The following SNX2 variants were observed in gnomAD, a reference collection of about 807,000 sequenced individuals.
SNX2 encodes the protein sorting nexin 2, also known as sorting nexin-2.
In SNX2, 25 loss-of-function variants were observed where a neutral mutation model predicts 69.9. That is an observed-to-expected ratio of 0.36 (90% CI 0.26 to 0.50). The LOEUF (loss-of-function observed/expected upper bound fraction) is 0.50. SNX2 is among the 20% of genes least tolerant of loss of function. The pLI, the probability that SNX2 is intolerant of heterozygous loss-of-function variation, is 0.97. For missense variants in SNX2, 551 were observed against 613.3 expected, an observed-to-expected ratio of 0.90 and a Z score of 1.07; for synonymous variants, 229 against 200.4, an observed-to-expected ratio of 1.14 and a Z score of -1.20.
At chr5:122,825,019 A>T (rs1203305990) in intron 11 of SNX2, among the ~76,000 whole-genome samples, 1 of 152,152 alleles carries the variant, frequency 6.6e-6, no homozygotes, top group Non-Finnish European at 1.5e-5. Context: ...CAAAACTAAT[A>T]TTAGAACCAA....
At chr5:122,816,697 A>C (rs938364302) in intron 8 of SNX2, among the ~76,000 whole-genome samples, 1 of 152,088 alleles carries the variant, frequency 6.6e-6, no homozygotes. Flanking sequence ...AAGCAAATGG[A>C]AAGTCTATTT....
rs1214662268 is a variant in SNX2 at position 122,829,680 on chromosome 5, G to A, written c.*32G>A. The A allele has an allele frequency of 4.4e-6, 7 of 1,590,210 alleles. No individual in the cohort carries two copies. In the Admixed American group the frequency reaches 5.0e-5, roughly 11 times the overall value. ...GATTGTTGCCGTTAAGAAGACCTTG[G>A]ATGTTGTTCCAGTTATGCTGGATTC... On this transcript the variant is annotated 3_prime_UTR_variant, in exon 15 of 15. Transcript: ENST00000379516.
chr5:122,825,736 T>C (rs551659721), intron 11 of SNX2, among the ~76,000 whole-genome samples: 8 of 152,242 alleles, frequency 5.3e-5, no homozygotes, highest in Non-Finnish European at 8.8e-5. Flanking sequence ...ATTAAAGACA[T>C]CTTCAAAGCA....
chr5:122,795,629 T>C (rs1165761829), intron 2 of SNX2: 1 of 322,940 alleles, frequency 3.1e-6, no homozygotes, highest in African/African-American at 2.1e-5. Flanking sequence ...ATAATTTGAT[T>C]GGGGGCAGTA....
intron 1 of SNX2, among the ~76,000 whole-genome samples, chr5:122,783,487 T>C (rs1753019523): frequency 6.6e-6 from 1 of 152,184 alleles, no homozygotes; most frequent in South Asian, 2.1e-4. Flanking sequence ...GTGTGAGATA[T>C]GGGTTGACAT....
At chr5:122,783,188 A>G (rs1176783101) in intron 1 of SNX2, among the ~76,000 whole-genome samples, 1 of 150,530 alleles carries the variant, frequency 6.6e-6, no homozygotes, top group African/African-American at 2.5e-5. Context: ...CTCGTGATCC[A>G]CCCATCTCGG....
chr5:122,811,830 TAAATA>T (rs914953792), intron 7 of SNX2, among the ~76,000 whole-genome samples: 1 of 143,158 alleles, frequency 7.0e-6, no homozygotes, highest in Non-Finnish European at 1.5e-5. Flanking sequence ...CGTCTCTAAA[TAAATA>T]AATAAATAAA....
chr5:122,803,644 TG>T, intron 6 of SNX2, 31 bp downstream of exon 6: 1 of 1,546,864 alleles, frequency 6.5e-7, no homozygotes, highest in Non-Finnish European at 8.8e-7. Context: ...AATTAATTTT[TG>T]TTACTGTTAC....
At chr5:122,790,881 G>A (rs955287724) in intron 1 of SNX2, among the ~76,000 whole-genome samples, 1 of 152,146 alleles carries the variant, frequency 6.6e-6, no homozygotes, top group Non-Finnish European at 1.5e-5. Context: ...CATGCAGCTA[G>A]AACTTTCAGT....
intron 11 of SNX2, among the ~76,000 whole-genome samples, chr5:122,820,973 G>C (rs778962643): frequency 3.3e-5 from 5 of 152,182 alleles, no homozygotes; most frequent in Non-Finnish European, 5.9e-5. Context: ...TTGACTAAAA[G>C]AGTTAAAGAG....
chr5:122,815,875 C>CA (rs1200622768), intron 7 of SNX2, 21 bp from the exon 8 acceptor site: 2 of 1,387,306 alleles, frequency 1.4e-6, no homozygotes, highest in African/African-American at 1.5e-5. Flanking sequence ...GATAAAGGAG[C>CA]AATTTTACTC....
chr5:122,797,873 A>G (rs1753419361), intron 2 of SNX2, among the ~76,000 whole-genome samples: 2 of 144,402 alleles, frequency 1.4e-5, no homozygotes, highest in Non-Finnish European at 3.0e-5. Context: ...AATTTAAGAC[A>G]GATTATATAT....
At chr5:122,826,335 A>G (rs1754149676) in intron 12 of SNX2, 142 bp downstream of exon 12, 4 of 678,328 alleles carry the variant, frequency 5.9e-6, no homozygotes, top group South Asian at 3.3e-5. Context: ...AATTACTTTA[A>G]CATTTTGATC....
At position 122,830,498 on chromosome 5, in the gene SNX2, CTT is replaced by C. The variant is rs1463031880; in HGVS notation, c.*853_*854del. 6.6e-5 allele frequency among the ~76,000 whole-genome samples: 10 copies of C among 151,994 alleles called. No homozygotes were observed. Among genetic ancestry groups the C allele is most frequent in the Non-Finnish European group, 1.3e-4 (9 of 67,988 alleles). On this transcript the variant is annotated 3_prime_UTR_variant, in exon 15 of 15. Transcript: ENST00000379516. ...TTGCATATATTTAATTTATTCTTGT[CTT>C]TTGGTTTTTTTTCTTTTAAACTAAA...
chr5:122,789,796 G>A (rs1753186909), intron 1 of SNX2, among the ~76,000 whole-genome samples: 1 of 152,172 alleles, frequency 6.6e-6, no homozygotes, highest in Non-Finnish European at 1.5e-5. Flanking sequence ...AACTATTAGA[G>A]AAAAGAGGAA....
In SNX2 at chr5:122,819,525, T is replaced by C. The variant is rs190462996; in HGVS notation, c.1212+502T>C. 1.9e-3 allele frequency among the ~76,000 whole-genome samples: 294 copies of C among 152,344 alleles called. 1 individual carries two copies. Among genetic ancestry groups the C allele is most frequent in the Non-Finnish European group, 7.8e-4 (53 of 68,022 alleles). ...GATGAGATGGGACTAGATTAGATCA[T>C]AAATTGTGTTATTGAATGGTAATAC... On this transcript the variant is annotated intron_variant, in intron 11 of 14. Transcript: ENST00000379516.
Position 122,833,692 on chromosome 5 carries a change from C to G in SNX2, c.*4044C>G, listed in dbSNP as rs1754345760. 1 of 152,150 alleles carries G rather than the reference C, an allele frequency of 6.6e-6. No homozygotes were observed. Among genetic ancestry groups the G allele is most frequent in the African/African-American group, 2.4e-5 (1 of 41,444 alleles). The allele number at this position is 152,150 out of a possible 1,614,324, so 9.4% of individuals were successfully genotyped here. A position where few individuals can be genotyped will look rare whatever the true frequency, so the allele number is the denominator to read the frequency against. ...TATAAATCTCAAAATGCCTTTATTTCATTGTTGGTACTCTTTTTTATTACC... is the reference window on the plus strand; with the variant it reads ...TATAAATCTCAAAATGCCTTTATTTGATTGTTGGTACTCTTTTTTATTACC... On this transcript the variant is annotated 3_prime_UTR_variant, in exon 15 of 15. Transcript: ENST00000379516.
At position 122,826,044 on chromosome 5, in the gene SNX2, T is replaced by G. The variant is rs1474119366; in HGVS notation, c.1213-6T>G. On this transcript the variant is annotated splice_region_variant and splice_polypyrimidine_tract_variant and intron_variant, in intron 11 of 14. Coordinates refer to ENST00000379516, the MANE Select transcript of SNX2 (RefSeq NM_003100.4). ...TACTTAATAGCATTATGTCATTCAC[T>G]TATAGGGTGTGTTTGACCATCGAAT... 1 of 1,612,376 alleles carries G rather than the reference T, an allele frequency of 6.2e-7. No homozygotes were observed. The highest frequency in any genetic ancestry group is 1.1e-5 in the South Asian group (1 of 90,986).
rs772393169 is a variant in SNX2, at chr5:122,799,833, T to A, written c.368T>A (p.Ile123Asn). Residue 123 changes from isoleucine (I) to asparagine (N), a missense_variant, in exon 3 of 15, where the codon ATC (isoleucine) becomes AAC (asparagine). Ile to Asn is a moderately radical substitution (Grantham distance 149, BLOSUM62 -3). This residue lies in a region of SNX2 where 191 missense variants were observed against 162.9 expected (regional missense o/e 1.17). Coordinates refer to ENST00000379516, the MANE Select transcript of SNX2 (RefSeq NM_003100.4). The part of the protein sequence containing the change: ...IESKSMSAPV[I>N]FDRSREEIEE... ...TCAAAGAGTATGTCTGCTCCCGTGA[T>A]CTTTGATAGATCCAGGGAAGAGGTA... The A allele has an allele frequency of 1.2e-5, 19 of 1,612,190 alleles. No homozygotes were observed. The highest frequency in any genetic ancestry group is 1.6e-5 in the Non-Finnish European group (19 of 1,178,838).
Sources: allele counts gnomAD v4.1 joint callset (sites outside exome capture counted in the v4.1 genomes callset), GRCh38; gene constraint gnomAD v4.1.1; regional missense constraint gnomAD v4.1.1; transcripts MANE v1.5; gene names NCBI Gene and HGNC (gene_info 2026-07-23, HGNC 2026-07-21).